Variants in FZD8 observed in about 807,000 individuals in gnomAD.
FZD8 encodes the protein frizzled class receptor 8.
In FZD8, 18 loss-of-function variants were observed where a neutral mutation model predicts 46.0. The ratio of observed to expected loss-of-function variants is 0.39; its 90% CI spans 0.27 to 0.58. FZD8 has a LOEUF of 0.58. Ranked by LOEUF, FZD8 falls within the 20% of genes least tolerant of loss-of-function variation. The pLI is 0.55. For synonymous variants in FZD8, 586 were observed against 467.9 expected (o/e 1.25, Z -3.26); for missense variants, 785 against 983.4 (o/e 0.80, Z 2.70).
Position 35,640,201 on chromosome 10 carries a change from C to T in FZD8, c.1229G>A (p.Ser410Asn). Residue 410 changes from serine (S) to asparagine (N), a missense_variant, in exon 1 of 1, where the codon AGC becomes AAC. Ser to Asn is a conservative substitution (Grantham distance 46). Coordinates refer to ENST00000374694, the MANE Select transcript of FZD8 (RefSeq NM_031866.3). The part of the protein sequence containing the change: ...FLLVYFFGMA[S>N]SIWWVILSLT... ...CGACAAGATCACCCACCAGATGGAG[C>T]TGGCCATGCCGAAGAAGTAGACCAG... The T allele has an allele frequency of 6.2e-7, 1 of 1,613,082 alleles. No individual in the cohort carries two copies. Among genetic ancestry groups the T allele is most frequent in the Non-Finnish European group, 8.5e-7 (1 of 1,179,818 alleles).
chr10:35,640,241 T>C lies in FZD8; in HGVS notation c.1189A>G (p.Thr397Ala). 6.2e-7 allele frequency: 1 copy of C among 1,610,142 alleles called. No individual in the cohort carries two copies. Among genetic ancestry groups the C allele is most frequent in the African/African-American group, 1.3e-5 (1 of 74,882 alleles). The change falls in exon 1 of 1, where the codon ACC (threonine) becomes GCC (alanine). Residue 397 changes from threonine to alanine, a missense_variant. By Grantham distance (58) the Thr-to-Ala change is moderately conservative. Transcript: ENST00000374694. ...RYETTGPALC[T>A]VVFLLVYFFG... ...AAGTAGACCAGCAAGAAGACCACGGTGCACAGCGCGGGGCCGGTGGTCTCG... is the reference window on the plus strand; with the variant it reads ...AAGTAGACCAGCAAGAAGACCACGGCGCACAGCGCGGGGCCGGTGGTCTCG...
Position 35,642,296 on chromosome 10 carries a change from C to T in FZD8, c.-867G>A, listed in dbSNP as rs1429779180. On this transcript the variant is annotated 5_prime_UTR_variant, in exon 1 of 1. Coordinates refer to ENST00000374694, the MANE Select transcript of FZD8 (RefSeq NM_031866.3). The stretch of plus-strand genomic sequence containing the variant: ...AACTTCCCGGCTCCAGCCCCGCTCG[C>T]GCCGCGCTGCCGGCTCATGAATATT... 3 of 152,408 alleles carry T rather than the reference C, an allele frequency of 2.0e-5. No homozygotes were observed. Among genetic ancestry groups the T allele is most frequent in the African/African-American group, 7.2e-5 (3 of 41,454 alleles). The allele number at this position is 152,408 out of a possible 1,614,324, so 9.4% of individuals were successfully genotyped here.
In FZD8 at chr10:35,641,236, G is replaced by A. The variant is rs1167971442; in HGVS notation, c.194C>T (p.Ala65Val). 33 of 1,613,962 alleles carry A rather than the reference G, an allele frequency of 2.0e-5. No homozygotes were observed. Among genetic ancestry groups the A allele is most frequent in the Non-Finnish European group, 2.7e-5 (32 of 1,179,966 alleles). The change falls in exon 1 of 1, where the codon GCG becomes GTG. Residue 65 changes from alanine (A) to valine (V), a missense_variant. Physicochemically the swap from Ala to Val is moderately conservative, Grantham distance 64 (BLOSUM62 0). This residue lies in a region of FZD8 where 354 missense variants were observed against 433.2 expected (regional missense o/e 0.82). Coordinates refer to ENST00000374694, the MANE Select transcript of FZD8 (RefSeq NM_031866.3). This position sits in a 1 kb window ranked among gnomAD's most constrained non-coding sequence, Gnocchi z 6.3. ...NQFNHDTQDE[A>V]GLEVHQFWPL... ...CCAGAACTGGTGCACCTCCAGGCCC[G>A]CCTCGTCTTGCGTGTCGTGGTTGAA... is the stretch of plus-strand genomic sequence containing the variant.
Position 35,638,565 on chromosome 10 carries a change from C to T in FZD8, c.*780G>A, listed in dbSNP as rs1292331403. 1.3e-5 allele frequency: 2 copies of T among 152,546 alleles called. No individual in the cohort carries two copies. The highest frequency in any genetic ancestry group is 6.5e-5 in the Admixed American group (1 of 15,282). The allele number at this position is 152,546 out of a possible 1,614,324, so 9.4% of individuals were successfully genotyped here. A position where few individuals can be genotyped will look rare whatever the true frequency, so the allele number is the denominator to read the frequency against. On this transcript the variant is annotated 3_prime_UTR_variant, in exon 1 of 1. Coordinates refer to ENST00000374694, the MANE Select transcript of FZD8 (RefSeq NM_031866.3). Reference sequence around the variant, plus strand: ...TTTCCCCATGCGTCCTTAGCAAGCACTTTAAAGGTGACAGCTCAGAAGAGG... The same window carrying T: ...TTTCCCCATGCGTCCTTAGCAAGCATTTTAAAGGTGACAGCTCAGAAGAGG...
In FZD8 at chr10:35,641,481, T is replaced by A. The variant is rs1407793449; in HGVS notation, c.-52A>T. On this transcript the variant is annotated 5_prime_UTR_variant, in exon 1 of 1. Transcript: ENST00000374694. The surrounding 1 kb of genome is among the most constrained non-coding windows in gnomAD (Gnocchi z 6.3). ...GCCCTCCAGGCGGCGCGCAGAGGGG[T>A]GCCGGGGGGGGGGCCCACGAGAGAG... 88 of 1,376,492 alleles carry A rather than the reference T, an allele frequency of 6.4e-5. 1 individual carries two copies. The highest frequency in any genetic ancestry group is 8.3e-5 in the Non-Finnish European group (88 of 1,066,572). 85.3% of individuals were successfully genotyped at this position (1,376,492 alleles called of 1,614,324 possible). A position where few individuals can be genotyped will look rare whatever the true frequency, so the allele number is the denominator to read the frequency against.
Position 35,641,126 on chromosome 10 carries a change from T to C in FZD8, c.304A>G (p.Lys102Glu). Residue 102 changes from lysine (K) to glutamate (E), a missense_variant, in exon 1 of 1, where the codon AAG becomes GAG. Physicochemically the swap from Lys to Glu is moderately conservative, Grantham distance 56 (BLOSUM62 1). Around this residue, in one of 5 missense-constraint regions of FZD8, gnomAD observed 354 missense variants for 433.2 expected, o/e 0.82. Transcript: ENST00000374694. The surrounding 1 kb of genome is among the most constrained non-coding windows in gnomAD (Gnocchi z 6.3). ...YTPICLEDYK[K>E]PLPPCRSVCE... is the part of the protein sequence containing the mutation. ...ACCGAGCGGCAGGGCGGCAGCGGCTTCTTGTAGTCCTCTAGGCAGATGGGC... is the reference window on the plus strand; with the variant it reads ...ACCGAGCGGCAGGGCGGCAGCGGCTCCTTGTAGTCCTCTAGGCAGATGGGC... The C allele has an allele frequency of 6.2e-7, 1 of 1,612,822 alleles. No homozygotes were observed. The highest frequency in any genetic ancestry group is 8.5e-7 in the Non-Finnish European group (1 of 1,179,706).
chr10:35,640,509 C>T lies in FZD8; in HGVS notation c.921G>A (p.Lys307=). Residue 307 remains lysine (K), a synonymous_variant, in exon 1 of 1, where the codon AAG becomes AAA. Coordinates refer to ENST00000374694, the MANE Select transcript of FZD8 (RefSeq NM_031866.3). ...STFLIDMERF[K]YPERPIIFLS... is the part of the protein sequence containing the mutation. ...GGAAGATAATGGGCCGCTCCGGGTA[C>T]TTGAAGCGCTCCATGTCGATAAGGA... is the stretch of plus-strand genomic sequence containing the variant. 6.3e-7 allele frequency: 1 copy of T among 1,583,524 alleles called. No homozygotes were observed. The highest frequency in any genetic ancestry group is 8.6e-7 in the Non-Finnish European group (1 of 1,162,692).
In FZD8 at chr10:35,642,237, G is replaced by GCCT. The variant is rs988145951; in HGVS notation, c.-811_-809dup. 6.5e-5 allele frequency: 10 copies of GCCT among 152,958 alleles called. No homozygotes were observed. Among genetic ancestry groups the GCCT allele is most frequent in the African/African-American group, 2.2e-4 (9 of 41,454 alleles). The allele number at this position is 152,958 out of a possible 1,614,324, so 9.5% of individuals were successfully genotyped here. A position where few individuals can be genotyped will look rare whatever the true frequency, so the allele number is the denominator to read the frequency against. On this transcript the variant is annotated 5_prime_UTR_variant, in exon 1 of 1. Transcript: ENST00000374694. ...GTGGCGCGGCCCGCGCCCAGCCGCC[G>GCCT]CCTCCTCCTCGGCGGGAGCAGCGCC... is the stretch of plus-strand genomic sequence containing the variant.
In FZD8 at chr10:35,640,680, G is replaced by A. The variant is rs139744259; in HGVS notation, c.750C>T (p.Asn250=). The A allele has an allele frequency of 2.6e-6, 4 of 1,536,952 alleles. No individual in the cohort carries two copies. The African/African-American group carries it at 4.2e-5, about 16-fold the overall frequency. The stretch of plus-strand genomic sequence containing the variant: ...TAGCGATCTGGCCTGTCTTGACGCG[G>A]TTGTAGAGCGGGTGGCGCTCGCTGG... ...SVSSERHPLY[N]RVKTGQIANC... Residue 250 remains asparagine (N), a synonymous_variant, in exon 1 of 1, where the codon AAC becomes AAT. Coordinates refer to ENST00000374694, the MANE Select transcript of FZD8 (RefSeq NM_031866.3).
chr10:35,641,356 G>A lies in FZD8; in HGVS notation c.74C>T (p.Ala25Val). Residue 25 changes from alanine (A) to valine (V), a missense_variant, in exon 1 of 1, where the codon GCT becomes GTT. Coordinates refer to ENST00000374694, the MANE Select transcript of FZD8 (RefSeq NM_031866.3). This position sits in a 1 kb window ranked among gnomAD's most constrained non-coding sequence, Gnocchi z 6.3. ...ALALLQRSSG[A>V]AAASAKELAC... is the part of the protein sequence containing the mutation. ...CAGCTCCTTGGCCGAGGCGGCCGCA[G>A]CGCCGCTAGAGCGCTGCAGCAGCGC... 1.2e-6 allele frequency: 2 copies of A among 1,613,582 alleles called. No homozygotes were observed. Among genetic ancestry groups the A allele is most frequent in the Non-Finnish European group, 1.7e-6 (2 of 1,179,860 alleles).
In FZD8 at chr10:35,639,575, G is replaced by A; in HGVS notation, c.1855C>T (p.Arg619Cys). Residue 619 changes from arginine to cysteine, a missense_variant, in exon 1 of 1, where the codon CGC becomes TGC. Arg to Cys is a radical substitution (Grantham distance 180). Around this residue, in one of 5 missense-constraint regions of FZD8, gnomAD observed 185 missense variants for 180.8 expected, o/e 1.02. Transcript: ENST00000374694. ...GCGCCCTTGCTGGCCCAGCAGCAGC[G>A]GGTGCACAGGGAGCGCCAGGACTCC... ...TLESWRSLCT[R>C]CCWASKGAAV... 1 of 1,571,884 alleles carries A rather than the reference G, an allele frequency of 6.4e-7. No homozygotes were observed. Among genetic ancestry groups the A allele is most frequent in the Non-Finnish European group, 8.6e-7 (1 of 1,165,600 alleles).
In FZD8 at chr10:35,639,305, C is replaced by T; in HGVS notation, c.*40G>A. 3 of 605,498 alleles carry T rather than the reference C, an allele frequency of 5.0e-6. No individual in the cohort carries two copies. The highest frequency in any genetic ancestry group is 8.1e-6 in the Non-Finnish European group (3 of 370,994). The allele number at this position is 605,498 out of a possible 1,614,324, so 37.5% of individuals were successfully genotyped here. A position where few individuals can be genotyped will look rare whatever the true frequency, so the allele number is the denominator to read the frequency against. ...CCTTCGCTGCACTTGGCTCTCCTCG[C>T]CCCCCTCCCCACCCCTCCTGGGCGC... is the stretch of plus-strand genomic sequence containing the variant. On this transcript the variant is annotated 3_prime_UTR_variant, in exon 1 of 1. Coordinates refer to ENST00000374694, the MANE Select transcript of FZD8 (RefSeq NM_031866.3).
At position 35,640,893 on chromosome 10, in the gene FZD8, G is replaced by A. The variant is rs1835849531; in HGVS notation, c.537C>T (p.Gly179=). 9.4e-7 allele frequency: 1 copy of A among 1,068,858 alleles called. No individual in the cohort carries two copies. Among genetic ancestry groups the A allele is most frequent in the Non-Finnish European group, 1.1e-6 (1 of 888,258 alleles). 66.2% of individuals were successfully genotyped at this position (1,068,858 alleles called of 1,614,324 possible). A position where few individuals can be genotyped will look rare whatever the true frequency, so the allele number is the denominator to read the frequency against. Residue 179 remains glycine, a synonymous_variant, in exon 1 of 1, where the codon GGC becomes GGT. Coordinates refer to ENST00000374694, the MANE Select transcript of FZD8 (RefSeq NM_031866.3). ...CCCCCGGCGGGCGGCCGTGGCCGCT[G>A]CCCGAAGGCGGCTGCTCGCCGGGCG... ...PPPPGEQPPS[G]SGHGRPPGAR...
Position 35,641,639 on chromosome 10 carries a change from G to A in FZD8, c.-210C>T, listed in dbSNP as rs1835865699. ...CCCGCAGCCTGGGCAGGGCCCTTCC[G>A]CACTCCTTTCCGCCGCTCCGGGGGT... is the stretch of plus-strand genomic sequence containing the variant. On this transcript the variant is annotated 5_prime_UTR_variant, in exon 1 of 1. Transcript: ENST00000374694. The surrounding 1 kb of genome is among the most constrained non-coding windows in gnomAD (Gnocchi z 6.3). The A allele has an allele frequency of 1.6e-6, 1 of 611,504 alleles. No individual in the cohort carries two copies. Among genetic ancestry groups the A allele is most frequent in the Non-Finnish European group, 2.8e-6 (1 of 362,742 alleles). 37.9% of individuals were successfully genotyped at this position (611,504 alleles called of 1,614,324 possible). A position where few individuals can be genotyped will look rare whatever the true frequency, so the allele number is the denominator to read the frequency against.
rs1835839036 is a variant in FZD8, at chr10:35,640,509, C to G, written c.921G>C (p.Lys307Asn). 6.3e-7 allele frequency: 1 copy of G among 1,583,426 alleles called. No individual in the cohort carries two copies. The highest frequency in any genetic ancestry group is 1.4e-5 in the African/African-American group (1 of 73,526). ...GGAAGATAATGGGCCGCTCCGGGTA[C>G]TTGAAGCGCTCCATGTCGATAAGGA... is the stretch of plus-strand genomic sequence containing the variant. ...STFLIDMERF[K>N]YPERPIIFLS... is the part of the protein sequence containing the mutation. The change falls in exon 1 of 1, where the codon AAG (lysine) becomes AAC (asparagine). Residue 307 changes from lysine to asparagine, a missense_variant. By Grantham distance (94) the Lys-to-Asn change is moderately conservative. Around this residue, in one of 5 missense-constraint regions of FZD8, gnomAD observed 11 missense variants for 43.3 expected, o/e 0.25. Transcript: ENST00000374694.
In FZD8 at chr10:35,639,953, G is replaced by C; in HGVS notation, c.1477C>G (p.Leu493Val). The change falls in exon 1 of 1, where the codon CTC (leucine) becomes GTC (valine). Residue 493 changes from leucine to valine, a missense_variant. By Grantham distance (32) the Leu-to-Val change is conservative (BLOSUM62 1). Transcript: ENST00000374694. Reference sequence around the variant, plus strand: ...AGCAGGAACATGGTGCCGATGAAGAGGTAGATGACCAGCGGCGCCAGCACG... The same window carrying C: ...AGCAGGAACATGGTGCCGATGAAGACGTAGATGACCAGCGGCGCCAGCACG... The part of the protein sequence containing the change: ...GFVLAPLVIY[L>V]FIGTMFLLAG... The C allele has an allele frequency of 6.2e-7, 1 of 1,613,194 alleles. No individual in the cohort carries two copies. Among genetic ancestry groups the C allele is most frequent in the Non-Finnish European group, 8.5e-7 (1 of 1,179,918 alleles).
In FZD8 at chr10:35,640,665, G is replaced by C. The variant is rs1835842293; in HGVS notation, c.765C>G (p.Gly255=). 6.4e-7 allele frequency: 1 copy of C among 1,573,478 alleles called. No individual in the cohort carries two copies. Among genetic ancestry groups the C allele is most frequent in the Middle Eastern group, 1.7e-4 (1 of 5,916 alleles). The change falls in exon 1 of 1, where the codon GGC becomes GGG. Residue 255 remains glycine, a synonymous_variant. Coordinates refer to ENST00000374694, the MANE Select transcript of FZD8 (RefSeq NM_031866.3). The part of the protein sequence containing the change: ...RHPLYNRVKT[G]QIANCALPCH... ...AGGGCAGCGCGCAGTTAGCGATCTG[G>C]CCTGTCTTGACGCGGTTGTAGAGCG...
Position 35,641,464 on chromosome 10 carries a change from G to C in FZD8, c.-35C>G, listed in dbSNP as rs748277131. ...CTCGGCCCGGTGCCCTCGCCCTCCAGGCGGCGCGCAGAGGGGTGCCGGGGG... is the reference window on the plus strand; with the variant it reads ...CTCGGCCCGGTGCCCTCGCCCTCCACGCGGCGCGCAGAGGGGTGCCGGGGG... On this transcript the variant is annotated 5_prime_UTR_variant, in exon 1 of 1. Coordinates refer to ENST00000374694, the MANE Select transcript of FZD8 (RefSeq NM_031866.3). The surrounding 1 kb of genome is among the most constrained non-coding windows in gnomAD (Gnocchi z 6.3). 2 of 1,533,698 alleles carry C rather than the reference G, an allele frequency of 1.3e-6. No individual in the cohort carries two copies. The highest frequency in any genetic ancestry group is 2.4e-5 in the South Asian group (2 of 81,774).
At position 35,640,633 on chromosome 10, in the gene FZD8, T is replaced by G. The variant is rs761667116; in HGVS notation, c.797A>C (p.Asn266Thr). The G allele has an allele frequency of 3.2e-5, 50 of 1,583,198 alleles. No homozygotes were observed. The highest frequency in any genetic ancestry group is 5.2e-6 in the Non-Finnish European group (6 of 1,163,052). Residue 266 changes from asparagine (N) to threonine (T), a missense_variant, in exon 1 of 1, where the codon AAC becomes ACC. Around this residue, in one of 5 missense-constraint regions of FZD8, gnomAD observed 354 missense variants for 433.2 expected, o/e 0.82. Transcript: ENST00000374694. ...GCGCTCGTCCTGGCTGAAAAAGGGGTTGTGGCAGGGCAGCGCGCAGTTAGC... is the reference window on the plus strand; with the variant it reads ...GCGCTCGTCCTGGCTGAAAAAGGGGGTGTGGCAGGGCAGCGCGCAGTTAGC... ...QIANCALPCH[N>T]PFFSQDERAF...
Sources: gnomAD v4.1 joint callset for allele counts on GRCh38, gnomAD v4.1.1 for gene constraint, gnomAD v4.1.1 regional missense constraint, Gnocchi (gnomAD v3.1) non-coding constraint, MANE v1.5 for transcripts, NCBI Gene and HGNC (gene_info 2026-07-23, HGNC 2026-07-21) for gene names.